ANGPT4: variants seen among roughly 807,000 people sequenced by gnomAD.
ANGPT4 encodes the protein angiopoietin-4.
In ANGPT4, 50 loss-of-function variants were observed where a neutral mutation model predicts 53.0. The ratio of observed to expected loss-of-function variants is 0.94; its 90% CI spans 0.75 to 1.20. The LOEUF is 1.20. Ranked by LOEUF, ANGPT4 falls within the 50% of genes most tolerant of loss-of-function variation. ANGPT4 has a pLI of 0.00. For synonymous variants in ANGPT4, 251 were observed against 259.7 expected, an observed-to-expected ratio of 0.97 and a Z score of 0.32; for missense variants, 648 against 637.1, an observed-to-expected ratio of 1.02 and a Z score of -0.18.
chr20:914,273 A>C lies in ANGPT4; in HGVS notation c.309+1633T>G, dbSNP rs1424443011. ...GGGATAAGTTCTAAGAAAAAAAAAC[A>C]CAACAAAGCCAGCAGAGGGACAAAG... On this transcript the variant is annotated intron_variant, in intron 1 of 8. Transcript: ENST00000381922. The surrounding 1 kb of genome is among the most constrained non-coding windows in gnomAD (Gnocchi z 5.0). 4.6e-5 allele frequency among the ~76,000 whole-genome samples: 7 copies of C among 152,106 alleles called. No individual in the cohort carries two copies. The highest frequency in any genetic ancestry group is 1.0e-4 in the Non-Finnish European group (7 of 68,000).
chr20:916,035 C>T lies in ANGPT4; in HGVS notation c.180G>A (p.Glu60=). Residue 60 remains glutamate (E), a synonymous_variant, in exon 1 of 9, where the codon GAG becomes GAA. Coordinates refer to ENST00000381922, the MANE Select transcript of ANGPT4 (RefSeq NM_015985.4). ...GGAGGGTGTTGGAGTCCCTGGAGACCTCAGGCCCCGGAGGGCAGGGCTCAG... is the reference window on the plus strand; with the variant it reads ...GGAGGGTGTTGGAGTCCCTGGAGACTTCAGGCCCCGGAGGGCAGGGCTCAG... The part of the protein sequence containing the change: ...PKSEPCPPGP[E]VSRDSNTLQR... 1 of 1,614,186 alleles carries T rather than the reference C, an allele frequency of 6.2e-7. No individual in the cohort carries two copies. Among genetic ancestry groups the T allele is most frequent in the Non-Finnish European group, 8.5e-7 (1 of 1,180,012 alleles).
chr20:876,355 G>A lies in ANGPT4; in HGVS notation c.1220+1806C>T, dbSNP rs73582816. ...AGATTGTGTCTGTCGCCAGGGAAAT[G>A]AGACTTAATTATTCTCTGTGTAGAA... On this transcript the variant is annotated intron_variant, in intron 7 of 8. Transcript: ENST00000381922. 3.5e-3 allele frequency among the ~76,000 whole-genome samples: 530 copies of A among 152,166 alleles called. 7 individuals are homozygous for A. Among genetic ancestry groups the A allele is most frequent in the African/African-American group, 0.012 (508 of 41,496 alleles).
At chr20:878,775 C>T (rs946637694) in intron 6 of ANGPT4, among the ~76,000 whole-genome samples, 1 of 152,146 alleles carries the variant, frequency 6.6e-6, no homozygotes, top group Non-Finnish European at 1.5e-5. Context: ...TAAACCTCAA[C>T]AAAAATTAAA....
intron 1 of ANGPT4, among the ~76,000 whole-genome samples, chr20:910,372 C>G (rs1215727310): frequency 1.3e-5 from 2 of 152,182 alleles, no homozygotes; most frequent in African/African-American, 4.8e-5. Context: ...TTCTGGGAGG[C>G]ACGAGTATTT....
At position 870,675 on chromosome 20, in the gene ANGPT4, T is replaced by A. The variant is rs1568814846; in HGVS notation, c.*2285A>T. 6.6e-6 allele frequency: 1 copy of A among 152,250 alleles called. No homozygotes were observed. The highest frequency in any genetic ancestry group is 1.5e-5 in the Non-Finnish European group (1 of 68,060). The allele number at this position is 152,250 out of a possible 1,614,324, so 9.4% of individuals were successfully genotyped here. On this transcript the variant is annotated 3_prime_UTR_variant, in exon 9 of 9. Transcript: ENST00000381922. ...GTCCCTGGGCCTCACAGCTTTGCCC[T>A]GTCTCCTCTCTAGCTTGCAGTCAGC... is the stretch of plus-strand genomic sequence containing the variant.
intron 1 of ANGPT4, among the ~76,000 whole-genome samples, chr20:899,139 T>C (rs1484775908): frequency 6.6e-6 from 1 of 152,162 alleles, no homozygotes; most frequent in Non-Finnish European, 1.5e-5. Context: ...CCACTCCACA[T>C]TACCTACTTT....
chr20:875,878 C>A (rs1981146376), intron 7 of ANGPT4, among the ~76,000 whole-genome samples: 2 of 152,094 alleles, frequency 1.3e-5, no homozygotes, highest in African/African-American at 4.8e-5. Flanking sequence ...GCCTGTAATC[C>A]CCGCACTTTG....
chr20:895,117 G>A (rs1981993036), intron 1 of ANGPT4, among the ~76,000 whole-genome samples: 2 of 152,210 alleles, frequency 1.3e-5, no homozygotes, highest in Admixed American at 1.3e-4. Flanking sequence ...GCCCATGGCT[G>A]AGGCACCAGC....
chr20:885,287 T>A lies in ANGPT4; in HGVS notation c.626A>T (p.Gln209Leu), dbSNP rs891025270. The change falls in exon 4 of 9, where the codon CAG becomes CTG. Residue 209 changes from glutamine (Q) to leucine (L), a missense_variant. Physicochemically the swap from Gln to Leu is moderately radical, Grantham distance 113. Coordinates refer to ENST00000381922, the MANE Select transcript of ANGPT4 (RefSeq NM_015985.4). ...EKRLQALETK[Q>L]QEELASILSK... ...GAGGATGCTGGCCAGCTCCTCCTGC[T>A]GCTTGGTCTCCAGGGCCTGCAACCG... is the stretch of plus-strand genomic sequence containing the variant. The A allele has an allele frequency of 5.0e-6, 8 of 1,584,574 alleles. No homozygotes were observed. The Admixed American group carries it at 1.0e-4, about 21-fold the overall frequency.
In ANGPT4 at chr20:885,203, A is replaced by T. The variant is rs748154330; in HGVS notation, c.710T>A (p.Ile237Asn). The change falls in exon 4 of 9, where the codon ATC becomes AAC. Residue 237 changes from isoleucine to asparagine, a missense_variant. Transcript: ENST00000381922. ...LSRQSAALTN[I>N]ERGLRGVRHN... ...CCTGACACCGCGCAGGCCGCGCTCG[A>T]TGTTGGTGAGGGCGGCGCTCTGGCG... The T allele has an allele frequency of 3.7e-6, 6 of 1,600,342 alleles. No individual in the cohort carries two copies. The South Asian group carries it at 5.6e-5, about 15-fold the overall frequency.
rs773882603 is a variant in ANGPT4, at chr20:916,264, GTGCCTGGGATGTCC to G, written c.-64_-51del. On this transcript the variant is annotated 5_prime_UTR_variant, in exon 1 of 9. Coordinates refer to ENST00000381922, the MANE Select transcript of ANGPT4 (RefSeq NM_015985.4). ...ATGTCTGCTCAGAGCCCTAGGGGCT[GTGCCTGGGATGTCC>G]TGCTGCAGCCAACAGTGGCCAGGCT... The G allele has an allele frequency of 1.9e-6, 3 of 1,559,332 alleles. No homozygotes were observed. In the South Asian group the frequency reaches 3.6e-5, roughly 19 times the overall value.
intron 1 of ANGPT4, among the ~76,000 whole-genome samples, chr20:897,454 CT>C (rs1216760805): frequency 6.6e-6 from 1 of 152,218 alleles, no homozygotes; most frequent in Non-Finnish European, 1.5e-5. Flanking sequence ...GTTCCTTTTT[CT>C]CTCTAGTAGA....
rs370144425 is a variant in ANGPT4 at position 888,350 on chromosome 20, C to T, written c.555G>A (p.Arg185=). ...NKLENQLLLQ[R]QKLQQLQGQN... ...GGCCCTGAAGCTGCTGGAGCTTCTGCCTCTGTAGCAGCAGCTGGTTCTCCA... is the reference window on the plus strand; with the variant it reads ...GGCCCTGAAGCTGCTGGAGCTTCTGTCTCTGTAGCAGCAGCTGGTTCTCCA... Residue 185 remains arginine, a synonymous_variant, in exon 3 of 9, where the codon AGG becomes AGA. Transcript: ENST00000381922. The T allele has an allele frequency of 6.2e-7, 1 of 1,613,740 alleles. No homozygotes were observed. The highest frequency in any genetic ancestry group is 8.5e-7 in the Non-Finnish European group (1 of 1,179,974).
chr20:912,361 C>A (rs950826238), intron 1 of ANGPT4, among the ~76,000 whole-genome samples: 6 of 152,170 alleles, frequency 3.9e-5, no homozygotes, highest in African/African-American at 1.2e-4. Flanking sequence ...AGGGAAGGGC[C>A]AGCACTGGGT....
chr20:890,173 G>GC (rs775118225), intron 2 of ANGPT4, 40 bp downstream of exon 2: 15 of 1,597,358 alleles, frequency 9.4e-6, no homozygotes, highest in Admixed American at 6.7e-5. Context: ...AGCCTGGCCA[G>GC]CCACAGGCCC....
At chr20:909,998 C>T (rs1238441924) in intron 1 of ANGPT4, among the ~76,000 whole-genome samples, 6 of 152,212 alleles carry the variant, frequency 3.9e-5, no homozygotes, top group East Asian at 1.9e-4. Context: ...TGGATCTCCC[C>T]TTTGGGGACC....
At chr20:900,687 ACT>A (rs1982251222) in intron 1 of ANGPT4, among the ~76,000 whole-genome samples, 1 of 152,006 alleles carries the variant, frequency 6.6e-6, no homozygotes, top group Non-Finnish European at 1.5e-5. Context: ...AAAAAGGAGG[ACT>A]CTGAATATTT....
At chr20:886,749 G>T (rs766085349) in intron 3 of ANGPT4, among the ~76,000 whole-genome samples, 1 of 152,166 alleles carries the variant, frequency 6.6e-6, no homozygotes, top group South Asian at 2.1e-4. Context: ...GAGAAAAACC[G>T]AATGGTTGTA....
rs1980939462 is a variant in ANGPT4, at chr20:871,542, T to C, written c.*1418A>G. ...CTGAAAGAAGCTATGAGGGCCCTGG[T>C]CTCCCAAACTCAGGCAGAGGCCTTA... On this transcript the variant is annotated 3_prime_UTR_variant, in exon 9 of 9. Transcript: ENST00000381922. 1 of 152,402 alleles carries C rather than the reference T, an allele frequency of 6.6e-6. No individual in the cohort carries two copies. Among genetic ancestry groups the C allele is most frequent in the Non-Finnish European group, 1.5e-5 (1 of 68,230 alleles). The allele number at this position is 152,402 out of a possible 1,614,324, so 9.4% of individuals were successfully genotyped here. A position where few individuals can be genotyped will look rare whatever the true frequency, so the allele number is the denominator to read the frequency against.
Sources: gnomAD v4.1 joint callset for allele counts (sites outside exome capture counted in the v4.1 genomes callset) on GRCh38, gnomAD v4.1.1 for gene constraint, Gnocchi (gnomAD v3.1) non-coding constraint, MANE v1.5 for transcripts, NCBI Gene and HGNC (gene_info 2026-07-23, HGNC 2026-07-21) for gene names.